The following SMYD3 variants were observed in gnomAD, a reference collection of about 807,000 sequenced individuals.
The protein encoded by SMYD3 is histone-lysine N-methyltransferase SMYD3.
In SMYD3, 36 loss-of-function variants were observed where a neutral mutation model predicts 57.7. The ratio of observed to expected loss-of-function variants is 0.62; its 90% CI spans 0.48 to 0.82. SMYD3 has a LOEUF of 0.82. SMYD3 is among the 40% of genes least tolerant of loss of function. SMYD3 has a pLI of 0.00. For synonymous variants in SMYD3, 211 were observed against 195.0 expected (o/e 1.08, Z -0.68); for missense variants, 515 against 538.8 (o/e 0.96, Z 0.44).
chr1:246,386,009 C>A (rs55928405), intron 1 of SMYD3, among the ~76,000 whole-genome samples: 2,354 of 152,212 alleles, frequency 0.015, 149 homozygotes, highest in Admixed American at 0.12. Context: ...CTGCCTCAGC[C>A]TCCCAAGTAG....
chr1:246,330,734 T>G (rs1462030180), intron 3 of SMYD3, among the ~76,000 whole-genome samples, 197 bp from the exon 4 acceptor site: 2 of 152,306 alleles, frequency 1.3e-5, no homozygotes, highest in South Asian at 2.1e-4. Flanking sequence ...GTATCTTCAC[T>G]CAACAGTTTA....
chr1:245,765,077 C>CAA (rs746177324), intron 10 of SMYD3, among the ~76,000 whole-genome samples: 8 of 128,352 alleles, frequency 6.2e-5, no homozygotes, highest in East Asian at 3.9e-4. Flanking sequence ...CACACACACA[C>CAA]AAAACCACAG....
chr1:245,966,415 C>A (rs1411462714), intron 5 of SMYD3, among the ~76,000 whole-genome samples: 1 of 152,206 alleles, frequency 6.6e-6, no homozygotes, highest in Non-Finnish European at 1.5e-5. Flanking sequence ...GAACTCCTCC[C>A]ACCTTGGCCT....
chr1:246,052,385 T>C (rs2060079836), intron 5 of SMYD3, among the ~76,000 whole-genome samples: 1 of 152,102 alleles, frequency 6.6e-6, no homozygotes, highest in African/African-American at 2.4e-5. Context: ...TAGTACAAGA[T>C]GTACTTTATG....
intron 8 of SMYD3, among the ~76,000 whole-genome samples, chr1:245,875,242 G>A (rs768317206): frequency 3.3e-5 from 5 of 152,180 alleles, no homozygotes; most frequent in Non-Finnish European, 5.9e-5. Context: ...AACCAAGCAT[G>A]CATTACTGTT....
At chr1:245,817,332 G>A (rs946959887) in intron 10 of SMYD3, among the ~76,000 whole-genome samples, 1 of 145,204 alleles carries the variant, frequency 6.9e-6, no homozygotes, top group South Asian at 2.2e-4. Flanking sequence ...CTGCAGCTGA[G>A]GGTCCTGCCT....
At chr1:245,767,506 G>C (rs918966280) in intron 10 of SMYD3, among the ~76,000 whole-genome samples, 2 of 152,232 alleles carry the variant, frequency 1.3e-5, no homozygotes, top group Non-Finnish European at 2.9e-5. Flanking sequence ...CAATATGTGT[G>C]AAACCACACA....
rs1049300013 is a variant in SMYD3 at position 245,814,822 on chromosome 1, GCACGCACA to G, written c.1076+43666_1076+43673del. ...TATCCCACCATGCACACACACACAC[GCACGCACA>G]CACGCACACACATGCACGCACACAC... On this transcript the variant is annotated intron_variant, in intron 10 of 11. Coordinates refer to ENST00000490107, the MANE Select transcript of SMYD3 (RefSeq NM_001167740.2). Among the ~76,000 whole-genome samples the G allele has an allele frequency of 9.8e-4, 147 of 149,904 alleles. 1 individual carries two copies. Among genetic ancestry groups the G allele is most frequent in the African/African-American group, 3.2e-3 (129 of 40,774 alleles).
At chr1:246,124,145 C>A (rs1317840441) in intron 5 of SMYD3, among the ~76,000 whole-genome samples, 1 of 152,168 alleles carries the variant, frequency 6.6e-6, no homozygotes, top group Non-Finnish European at 1.5e-5. Context: ...ACTATTATTG[C>A]AAAAGCAACT....
At chr1:245,841,393 T>C (rs898329917) in intron 10 of SMYD3, among the ~76,000 whole-genome samples, 8 of 152,218 alleles carry the variant, frequency 5.3e-5, no homozygotes, top group African/African-American at 7.2e-5. Flanking sequence ...ATTTTTAACT[T>C]TGCTTAAAAT....
Position 245,808,757 on chromosome 1 carries a change from C to T in SMYD3, c.1077-44608G>A, listed in dbSNP as rs79327262. Reference sequence around the variant, plus strand: ...TTGGAAATAAATTAGGTTGTGATTTCTTTTTTTTTTAGTTTTTATTTGTGA... The same window carrying T: ...TTGGAAATAAATTAGGTTGTGATTTTTTTTTTTTTTAGTTTTTATTTGTGA... On this transcript the variant is annotated intron_variant, in intron 10 of 11. Transcript: ENST00000490107. Among the ~76,000 whole-genome samples, 3 of 148,640 alleles carry T rather than the reference C, an allele frequency of 2.0e-5. No homozygotes were observed. In the East Asian group the frequency reaches 5.9e-4, roughly 29 times the overall value.
At chr1:246,411,596 C>T (rs2066970060) in intron 1 of SMYD3, among the ~76,000 whole-genome samples, 1 of 152,022 alleles carries the variant, frequency 6.6e-6, no homozygotes, top group South Asian at 2.1e-4. Flanking sequence ...CAATGATAGA[C>T]TGGATTAAGA....
At chr1:246,254,164 C>A (rs2063841351) in intron 5 of SMYD3, among the ~76,000 whole-genome samples, 1 of 152,146 alleles carries the variant, frequency 6.6e-6, no homozygotes, top group Admixed American at 6.6e-5. Flanking sequence ...TTAGGTCCCA[C>A]CAGTCAATTT....
At chr1:246,502,138 T>TTG (rs779354474) in intron 1 of SMYD3, among the ~76,000 whole-genome samples, 8 of 151,180 alleles carry the variant, frequency 5.3e-5, no homozygotes, top group Non-Finnish European at 1.2e-4. Flanking sequence ...CAGCTGCCTT[T>TTG]TTTTTTTTCT....
chr1:245,903,460 C>T (rs2054328935), intron 8 of SMYD3, among the ~76,000 whole-genome samples: 1 of 152,114 alleles, frequency 6.6e-6, no homozygotes, highest in Non-Finnish European at 1.5e-5. Flanking sequence ...TGCCCCCACC[C>T]CCACAAGGAC....
chr1:245,980,132 C>T (rs1482002452), intron 5 of SMYD3, among the ~76,000 whole-genome samples: 1 of 152,196 alleles, frequency 6.6e-6, no homozygotes, highest in Non-Finnish European at 1.5e-5. Context: ...TGAATTACAA[C>T]GAGGGGGAGA....
At chr1:246,039,074 T>C (rs908129968) in intron 5 of SMYD3, among the ~76,000 whole-genome samples, 2 of 152,166 alleles carry the variant, frequency 1.3e-5, no homozygotes, top group Admixed American at 1.3e-4. Context: ...TCTCCTACCA[T>C]GGAGAAGCAG....
intron 5 of SMYD3, among the ~76,000 whole-genome samples, chr1:246,097,141 G>A (rs970643894): frequency 5.9e-5 from 9 of 152,142 alleles, no homozygotes; most frequent in East Asian, 1.9e-4. Flanking sequence ...ACAAAGAAAC[G>A]TCATTCTGAT....
intron 8 of SMYD3, among the ~76,000 whole-genome samples, chr1:245,875,765 C>G (rs1342236438): frequency 6.6e-6 from 1 of 152,248 alleles, no homozygotes; most frequent in African/African-American, 2.4e-5. Context: ...CAAAATTACA[C>G]AGCCCTAGCT....
Sources: gnomAD v4.1 joint callset for allele counts (sites outside exome capture counted in the v4.1 genomes callset) on GRCh38, gnomAD v4.1.1 for gene constraint, MANE v1.5 for transcripts, NCBI Gene and HGNC (gene_info 2026-07-23, HGNC 2026-07-21) for gene names.